Variants in FRAS1 observed in about 807,000 individuals in gnomAD.
FRAS1 encodes the protein extracellular matrix organizing protein FRAS1.
Under a neutral mutation model 435.2 loss-of-function variants are expected in FRAS1, and 290 were observed. The observed-to-expected ratio is 0.67, with a 90% CI of 0.61 to 0.73. FRAS1 has a LOEUF of 0.73. Ranked by LOEUF, FRAS1 falls within the 30% of genes least tolerant of loss-of-function variation. The probability of loss-of-function intolerance (pLI) is 0.00; values close to 1 mark genes in which losing one functional copy is unlikely to be tolerated. For missense variants in FRAS1, 4,860 were observed against 5,001.5 expected (o/e 0.97, Z 0.85); for synonymous variants, 1,800 against 1,851.0 (o/e 0.97, Z 0.71).
chr4:78,158,614 G>A (rs72860675), intron 2 of FRAS1, among the ~76,000 whole-genome samples: 13,061 of 152,134 alleles, frequency 0.086, 790 homozygotes, highest in African/African-American at 0.16. Flanking sequence ...TCATGACTAC[G>A]TTGCAGTCAA....
At chr4:78,334,572 T>C (rs1489441275) in intron 19 of FRAS1, among the ~76,000 whole-genome samples, 3 of 151,808 alleles carry the variant, frequency 2.0e-5, no homozygotes, top group African/African-American at 7.3e-5. Context: ...GGTTTCACCA[T>C]GTTGATCAGG....
Position 78,450,186 on chromosome 4 carries a change from G to T in FRAS1, c.6310G>T (p.Val2104Leu), listed in dbSNP as rs1718978644. 1 of 1,613,732 alleles carries T rather than the reference G, an allele frequency of 6.2e-7. No individual in the cohort carries two copies. The highest frequency in any genetic ancestry group is 1.3e-5 in the African/African-American group (1 of 74,904). Residue 2104 changes from valine (V) to leucine (L), a missense_variant, in exon 45 of 74, where the codon GTG (valine) becomes TTG (leucine). Coordinates refer to ENST00000512123, the MANE Select transcript of FRAS1 (RefSeq NM_025074.7). ...VARITEQHLK[V>L]TDIDSDDHQV... ...ACGCATCACAGAACAGCACTTGAAA[G>T]TGACAGATATTGACTCAGATGACCA...
rs754448947 is a variant in FRAS1 at position 78,441,261 on chromosome 4, C to G, written c.5629C>G (p.Leu1877Val). The G allele has an allele frequency of 1.2e-6, 2 of 1,613,352 alleles. No individual in the cohort carries two copies. The highest frequency in any genetic ancestry group is 1.7e-6 in the Non-Finnish European group (2 of 1,179,586). The change falls in exon 41 of 74, where the codon CTG becomes GTG. Residue 1877 changes from leucine (L) to valine (V), a missense_variant. Coordinates refer to ENST00000512123, the MANE Select transcript of FRAS1 (RefSeq NM_025074.7). ...AGATGCCATCATTAAACTAAGTGCT[C>G]TGCCCAAATATGGCTGCATTGAGAA... Reference protein sequence around the residue: ...QRDAIIKLSALPKYGCIENTG... With the variant: ...QRDAIIKLSAVPKYGCIENTG...
chr4:78,257,827 G>A (rs1038495706), intron 6 of FRAS1, among the ~76,000 whole-genome samples: 8 of 152,144 alleles, frequency 5.3e-5, no homozygotes, highest in African/African-American at 1.4e-4. Context: ...TTCTTCTAAC[G>A]AAGGATGTAA....
chr4:78,438,389 G>A (rs934992159), intron 38 of FRAS1, among the ~76,000 whole-genome samples, 181 bp from the exon 39 acceptor site: 2 of 152,078 alleles, frequency 1.3e-5, no homozygotes, highest in Non-Finnish European at 2.9e-5. Context: ...AGGAATTTGG[G>A]GAAGAATAAA....
chr4:78,294,099 G>GTTC (rs1728032956), intron 14 of FRAS1, among the ~76,000 whole-genome samples: 1 of 152,158 alleles, frequency 6.6e-6, no homozygotes, highest in African/African-American at 2.4e-5. Context: ...TATGGCATAC[G>GTTC]TTCTTTCTCT....
At chr4:78,453,808 A>G (rs1269882204) in intron 47 of FRAS1, among the ~76,000 whole-genome samples, 2 of 152,070 alleles carry the variant, frequency 1.3e-5, no homozygotes, top group African/African-American at 2.4e-5. Context: ...AAAAAAAAAG[A>G]CAATCTAAAG....
At chr4:78,288,441 C>G (rs1727723356) in intron 14 of FRAS1, among the ~76,000 whole-genome samples, 1 of 152,170 alleles carries the variant, frequency 6.6e-6, no homozygotes, top group African/African-American at 2.4e-5. Context: ...AGGGCATTTT[C>G]CTTTCTCCCA....
chr4:78,522,821 A>T lies in FRAS1; in HGVS notation c.10808+13A>T, dbSNP rs749015203. The T allele has an allele frequency of 1.3e-6, 2 of 1,587,840 alleles. No homozygotes were observed. The highest frequency in any genetic ancestry group is 1.7e-6 in the Non-Finnish European group (2 of 1,169,262). On this transcript the variant is annotated intron_variant, in intron 69 of 73. Transcript: ENST00000512123. ...GCTCTTATAACAGGTAAATACAGTGATGGAGGCCTCCATGGGTAGAGCTGA... is the reference window on the plus strand; with the variant it reads ...GCTCTTATAACAGGTAAATACAGTGTTGGAGGCCTCCATGGGTAGAGCTGA...
At chr4:78,306,985 T>G (rs1214737306) in intron 14 of FRAS1, among the ~76,000 whole-genome samples, 1 of 152,222 alleles carries the variant, frequency 6.6e-6, no homozygotes, top group Non-Finnish European at 1.5e-5. Context: ...TTTTTCCCCA[T>G]CTTCGTGGTT....
intron 2 of FRAS1, among the ~76,000 whole-genome samples, chr4:78,089,859 G>A (rs1386304090): frequency 7.1e-6 from 1 of 139,962 alleles, no homozygotes; most frequent in East Asian, 2.2e-4. Flanking sequence ...CGCCACCCAG[G>A]TACTAAACCT....
intron 2 of FRAS1, among the ~76,000 whole-genome samples, chr4:78,197,018 T>G (rs1722842737): frequency 6.6e-6 from 1 of 152,044 alleles, no homozygotes; most frequent in South Asian, 2.1e-4. Context: ...GAAATATGGG[T>G]GAGATTACAG....
At chr4:78,140,696 T>A (rs1047758283) in intron 2 of FRAS1, among the ~76,000 whole-genome samples, 1 of 77,146 alleles carries the variant, frequency 1.3e-5, no homozygotes, top group Non-Finnish European at 2.5e-5. Context: ...TATACATATG[T>A]GTATATGCAT....
intron 6 of FRAS1, among the ~76,000 whole-genome samples, chr4:78,262,286 C>T (rs574000437): frequency 1.3e-5 from 2 of 152,260 alleles, no homozygotes; most frequent in South Asian, 4.1e-4. Flanking sequence ...TTCATCACTC[C>T]CTCTTCTTCC....
At chr4:78,115,355 G>A (rs1237098618) in intron 2 of FRAS1, among the ~76,000 whole-genome samples, 2 of 152,096 alleles carry the variant, frequency 1.3e-5, no homozygotes, top group South Asian at 2.1e-4. Flanking sequence ...AAATAACTTA[G>A]GGAGGATTTC....
At chr4:78,193,577 G>A (rs1237603890) in intron 2 of FRAS1, among the ~76,000 whole-genome samples, 1 of 152,126 alleles carries the variant, frequency 6.6e-6, no homozygotes, top group African/African-American at 2.4e-5. Flanking sequence ...TGTTTTATCA[G>A]AGACTAGGAT....
At chr4:78,261,889 C>T (rs946426030) in intron 6 of FRAS1, among the ~76,000 whole-genome samples, 1 of 152,116 alleles carries the variant, frequency 6.6e-6, no homozygotes, top group African/African-American at 2.4e-5. Context: ...CAGCTATGAA[C>T]TTAGGATGAG....
chr4:78,324,838 A>G lies in FRAS1; in HGVS notation c.2137+5852A>G, dbSNP rs1032688948. On this transcript the variant is annotated intron_variant, in intron 18 of 73. Coordinates refer to ENST00000512123, the MANE Select transcript of FRAS1 (RefSeq NM_025074.7). ...ATTTGGCAGTGGTGACTGGGACTGG[A>G]TATGAACATGGTCAGAATGATTAGA... 3.3e-5 allele frequency among the ~76,000 whole-genome samples: 5 copies of G among 150,630 alleles called. No homozygotes were observed. In the East Asian group the frequency reaches 9.9e-4, roughly 30 times the overall value.
At chr4:78,253,098 G>A (rs181471246) in intron 5 of FRAS1, among the ~76,000 whole-genome samples, 40 of 152,212 alleles carry the variant, frequency 2.6e-4, no homozygotes, top group Non-Finnish European at 2.6e-4. Flanking sequence ...CAGAGTGGCC[G>A]TTTATAGACC....
Sources: allele counts gnomAD v4.1 joint callset (sites outside exome capture counted in the v4.1 genomes callset), GRCh38; gene constraint gnomAD v4.1.1; transcripts MANE v1.5; gene names NCBI Gene and HGNC (gene_info 2026-07-23, HGNC 2026-07-21).